CDKAL1: variants seen among roughly 807,000 people sequenced by gnomAD.
CDKAL1 encodes the protein CDKAL1 threonylcarbamoyladenosine tRNA methylthiotransferase, also known as threonylcarbamoyladenosine tRNA methylthiotransferase.
A neutral mutation model predicts 68.2 loss-of-function variants in CDKAL1; 32 were observed. That is an observed-to-expected ratio of 0.47 (90% CI 0.35 to 0.63). The LOEUF (loss-of-function observed/expected upper bound fraction) is 0.63. CDKAL1 is among the 30% of genes least tolerant of loss of function. CDKAL1 has a pLI of 0.00. For synonymous variants in CDKAL1, 234 were observed against 244.3 expected (o/e 0.96, Z 0.39); for missense variants, 606 against 696.7 (o/e 0.87, Z 1.47).
intron 5 of CDKAL1, among the ~76,000 whole-genome samples, chr6:20,654,358 C>T (rs992045331): frequency 6.6e-6 from 1 of 151,406 alleles, no homozygotes; most frequent in Non-Finnish European, 1.5e-5. Flanking sequence ...CTTACATATC[C>T]TAATCCTTAG....
At chr6:20,764,340 T>C (rs942296158) in intron 7 of CDKAL1, among the ~76,000 whole-genome samples, 1 of 152,206 alleles carries the variant, frequency 6.6e-6, no homozygotes, top group Non-Finnish European at 1.5e-5. Flanking sequence ...GGTATTTCTT[T>C]CAGTTAGATT....
At chr6:20,815,660 G>A (rs1002277172) in intron 8 of CDKAL1, among the ~76,000 whole-genome samples, 6 of 151,344 alleles carry the variant, frequency 4.0e-5, no homozygotes, top group Middle Eastern at 6.9e-3. Context: ...TTCTGATTAT[G>A]AAAGTAAACA....
At chr6:20,910,461 A>C in intron 9 of CDKAL1, among the ~76,000 whole-genome samples, 1 of 152,308 alleles carries the variant, frequency 6.6e-6, no homozygotes, top group East Asian at 1.9e-4. Context: ...CTATCTGGCA[A>C]CCTTTCCTGT....
At chr6:20,575,330 A>G (rs2127682732) in intron 4 of CDKAL1, among the ~76,000 whole-genome samples, 1 of 150,646 alleles carries the variant, frequency 6.6e-6, no homozygotes, top group East Asian at 2.0e-4. Flanking sequence ...AGCTTTCTTT[A>G]TCTTTTGTTT....
intron 4 of CDKAL1, among the ~76,000 whole-genome samples, chr6:20,648,804 ATATT>A (rs1317109790): frequency 3.3e-5 from 5 of 152,208 alleles, no homozygotes; most frequent in Non-Finnish European, 7.3e-5. Context: ...GTATATAACA[ATATT>A]TAATCAAAAT....
rs150147693 is a variant in CDKAL1, at chr6:20,587,806, C to A, written c.286+39101C>A. On this transcript the variant is annotated intron_variant, in intron 4 of 15. Coordinates refer to ENST00000274695, the MANE Select transcript of CDKAL1 (RefSeq NM_017774.3). ...CACCAGAACCAAAAACCAAAAAAAA[C>A]CCCCAGAAGTTGGGTACTGTGGCTC... 4.1e-3 allele frequency among the ~76,000 whole-genome samples: 618 copies of A among 149,716 alleles called. 4 individuals are homozygous for A. The highest frequency in any genetic ancestry group is 0.013 in the African/African-American group (547 of 40,708).
intron 9 of CDKAL1, among the ~76,000 whole-genome samples, chr6:20,900,599 A>G (rs891693798): frequency 6.6e-6 from 1 of 152,214 alleles, no homozygotes; most frequent in African/African-American, 2.4e-5. Flanking sequence ...TGCTTATTCA[A>G]AGAGTTTCCC....
intron 13 of CDKAL1, among the ~76,000 whole-genome samples, chr6:21,149,712 C>A (rs752468710): frequency 1.2e-4 from 19 of 152,128 alleles, no homozygotes; most frequent in Admixed American, 3.3e-4. Flanking sequence ...CACTGAGAGA[C>A]AGTAAAGAAG....
intron 5 of CDKAL1, among the ~76,000 whole-genome samples, chr6:20,715,019 GATC>G (rs970213235): frequency 3.3e-5 from 5 of 152,132 alleles, no homozygotes; most frequent in South Asian, 4.1e-4. Flanking sequence ...AACAAATTAA[GATC>G]ATCATCTTAC....
rs188565058 is a variant in CDKAL1, at chr6:20,912,615, G to C, written c.743-42804G>C. On this transcript the variant is annotated intron_variant, in intron 9 of 15. Coordinates refer to ENST00000274695, the MANE Select transcript of CDKAL1 (RefSeq NM_017774.3). ...AGTTGGATGCCCAAGTGTTCAAATA[G>C]TGGAACCTGAGGATCAACCTTACTA... is the stretch of plus-strand genomic sequence containing the variant. 3.9e-5 allele frequency among the ~76,000 whole-genome samples: 6 copies of C among 152,242 alleles called. No homozygotes were observed. The East Asian group carries it at 9.6e-4, about 24-fold the overall frequency.
intron 9 of CDKAL1, among the ~76,000 whole-genome samples, chr6:20,890,874 G>T (rs533826359): frequency 6.6e-6 from 1 of 152,130 alleles, no homozygotes; most frequent in Non-Finnish European, 1.5e-5. Context: ...CAATAGTAAC[G>T]TAAGATAATA....
At chr6:20,658,298 G>A (rs1487001329) in intron 5 of CDKAL1, among the ~76,000 whole-genome samples, 3 of 152,198 alleles carry the variant, frequency 2.0e-5, no homozygotes, top group Non-Finnish European at 2.9e-5. Context: ...CATACTGATA[G>A]TGGATAGACA....
At chr6:20,692,534 G>T (rs549414512) in intron 5 of CDKAL1, among the ~76,000 whole-genome samples, 7 of 152,220 alleles carry the variant, frequency 4.6e-5, no homozygotes, top group Admixed American at 3.3e-4. Flanking sequence ...CACAGAGGGG[G>T]TTAATTATTT....
intron 8 of CDKAL1, among the ~76,000 whole-genome samples, chr6:20,795,847 C>T (rs78065050): frequency 0.011 from 1,702 of 152,230 alleles, 26 homozygotes; most frequent in African/African-American, 0.039. Context: ...CTATGTAAGG[C>T]TTGTTAGGTC....
At chr6:20,681,109 C>G (rs1770356190) in intron 5 of CDKAL1, among the ~76,000 whole-genome samples, 1 of 152,200 alleles carries the variant, frequency 6.6e-6, no homozygotes, top group Non-Finnish European at 1.5e-5. Flanking sequence ...TAGCTTAAGC[C>G]TCTTCCCTGT....
At chr6:20,980,438 C>T (rs1274958847) in intron 10 of CDKAL1, among the ~76,000 whole-genome samples, 1 of 151,968 alleles carries the variant, frequency 6.6e-6, no homozygotes, top group Non-Finnish European at 1.5e-5. Flanking sequence ...AGGGTTTCAC[C>T]GTGTTAGCCA....
intron 9 of CDKAL1, among the ~76,000 whole-genome samples, chr6:20,949,446 A>G (rs975625538): frequency 6.6e-6 from 1 of 152,096 alleles, no homozygotes; most frequent in Admixed American, 6.6e-5. Flanking sequence ...ATGTGTGTTT[A>G]TATGTATGTG....
chr6:20,756,854 C>CCCTCCCTT (rs1774204495), intron 6 of CDKAL1: 1 of 51,680 alleles, frequency 1.9e-5, no homozygotes, highest in African/African-American at 8.2e-5. Context: ...CTTCCTTCTC[C>CCCTCCCTT]CCTTCCTTCC....
At chr6:21,155,022 G>A (rs991480005) in intron 13 of CDKAL1, among the ~76,000 whole-genome samples, 11 of 148,516 alleles carry the variant, frequency 7.4e-5, no homozygotes, top group African/African-American at 2.8e-4. Context: ...ATACAAGAGT[G>A]ATGACATTAA....
Sources: allele counts gnomAD v4.1 joint callset (sites outside exome capture counted in the v4.1 genomes callset), GRCh38; gene constraint gnomAD v4.1.1; transcripts MANE v1.5; gene names NCBI Gene and HGNC (gene_info 2026-07-23, HGNC 2026-07-21).